Variants in SLC22A24 observed in about 807,000 individuals in gnomAD.
SLC22A24 encodes the protein steroid transmembrane transporter SLC22A24.
Under a neutral mutation model 49.8 loss-of-function variants are expected in SLC22A24, and 53 were observed. The observed-to-expected ratio is 1.06, with a 90% CI of 0.85 to 1.34. The LOEUF is 1.34. Among genes scored for constraint, SLC22A24 ranks in the 40% most tolerant of loss-of-function variants. The probability of loss-of-function intolerance (pLI) is 0.00; values close to 1 mark genes in which losing one functional copy is unlikely to be tolerated. For synonymous variants in SLC22A24, 302 were observed against 256.4 expected, an observed-to-expected ratio of 1.18 and a Z score of -1.70; for missense variants, 786 against 675.9, an observed-to-expected ratio of 1.16 and a Z score of -1.81.
intron 5 of SLC22A24, among the ~76,000 whole-genome samples, chr11:63,100,609 T>G (rs1477908978): frequency 2.0e-5 from 3 of 152,118 alleles, no homozygotes; most frequent in Admixed American, 6.6e-5. Flanking sequence ...AAAGCTACTC[T>G]GAGTAAAAAG....
chr11:63,098,939 A>C (rs1192422191), intron 5 of SLC22A24, among the ~76,000 whole-genome samples: 1 of 152,192 alleles, frequency 6.6e-6, no homozygotes, highest in African/African-American at 2.4e-5. Flanking sequence ...CATTACAACC[A>C]ATACTGCAGA....
chr11:63,095,940 A>G, intron 6 of SLC22A24, 51 bp downstream of exon 6: 1 of 1,269,886 alleles, frequency 7.9e-7, no homozygotes, highest in Non-Finnish European at 1.1e-6. Context: ...AAGAAGAAAC[A>G]GTTTTGTGTC....
intron 4 of SLC22A24, among the ~76,000 whole-genome samples, chr11:63,111,053 C>G (rs1401588703): frequency 6.6e-6 from 1 of 152,010 alleles, no homozygotes; most frequent in Non-Finnish European, 1.5e-5. Flanking sequence ...GAGTTTTTAG[C>G]ATGAAGGGTT....
chr11:63,138,547 C>A (rs376372019), intron 1 of SLC22A24, among the ~76,000 whole-genome samples: 1 of 144,006 alleles, frequency 6.9e-6, no homozygotes, highest in Non-Finnish European at 1.5e-5. Flanking sequence ...GAGGCTGAGG[C>A]AGGAGAATGG....
chr11:63,117,551 C>T (rs1262754063), intron 4 of SLC22A24, among the ~76,000 whole-genome samples: 1 of 152,160 alleles, frequency 6.6e-6, no homozygotes, highest in African/African-American at 2.4e-5. Context: ...CTTTGCCACC[C>T]CTGAGATGGC....
chr11:63,088,271 A>G (rs1401878508), intron 6 of SLC22A24, among the ~76,000 whole-genome samples: 2 of 152,014 alleles, frequency 1.3e-5, no homozygotes, highest in Non-Finnish European at 2.9e-5. Context: ...CACTGGTGAT[A>G]CCCAGGTGAA....
chr11:63,109,855 G>C (rs971485820), intron 4 of SLC22A24, among the ~76,000 whole-genome samples: 1 of 150,960 alleles, frequency 6.6e-6, no homozygotes, highest in Non-Finnish European at 1.5e-5. Context: ...AGTTTAATTA[G>C]ATCCCATTTG....
chr11:63,136,079 ACAT>A (rs567538873), intron 1 of SLC22A24, among the ~76,000 whole-genome samples: 46 of 152,284 alleles, frequency 3.0e-4, no homozygotes, highest in African/African-American at 1.1e-3. Context: ...CAAATAGAAA[ACAT>A]CATTGTTTTG....
At chr11:63,083,960 A>C (rs1180940043) in intron 6 of SLC22A24, among the ~76,000 whole-genome samples, 2 of 152,070 alleles carry the variant, frequency 1.3e-5, no homozygotes, top group African/African-American at 4.8e-5. Flanking sequence ...ATCCCTGGAG[A>C]ATGGGGGTAA....
At chr11:63,122,771 C>T (rs966494166) in intron 2 of SLC22A24, among the ~76,000 whole-genome samples, 2 of 152,148 alleles carry the variant, frequency 1.3e-5, no homozygotes, top group Admixed American at 6.5e-5. Flanking sequence ...CCGCTAGCCT[C>T]GGCCTCCCAA....
intron 5 of SLC22A24, among the ~76,000 whole-genome samples, chr11:63,100,080 A>G (rs1486834690): frequency 6.6e-6 from 1 of 152,210 alleles, no homozygotes; most frequent in Non-Finnish European, 1.5e-5. Flanking sequence ...AGCTAGAGCA[A>G]TCAGACAAGA....
Position 63,118,912 on chromosome 11 carries a change from C to A in SLC22A24, c.830G>T (p.Trp277Leu). 1 of 1,551,906 alleles carries A rather than the reference C, an allele frequency of 6.4e-7. No homozygotes were observed. The highest frequency in any genetic ancestry group is 8.7e-7 in the Non-Finnish European group (1 of 1,147,016). The stretch of plus-strand genomic sequence containing the variant: ...CAAAGAATGTGGAGATTGTTCATAC[C>A]AAGAGGACAAGAAGAGGACAATTAT... ...TPIIVLFLSS[W>L]KMVESARWLI... The change falls in exon 4 of 10, where the codon TGG becomes TTG. Residue 277 changes from tryptophan (W) to leucine (L), a missense_variant and splice_region_variant. Physicochemically the swap from Trp to Leu is moderately conservative, Grantham distance 61. Transcript: ENST00000612278.
At position 63,143,615 on chromosome 11, in the gene SLC22A24, G is replaced by T. The variant is rs189506041; in HGVS notation, c.165C>A (p.Asp55Glu). The change falls in exon 1 of 10, where the codon GAC (aspartate) becomes GAA (glutamate). Residue 55 changes from aspartate to glutamate, a missense_variant. Physicochemically the swap from Asp to Glu is conservative, Grantham distance 45. Coordinates refer to ENST00000612278, the MANE Select transcript of SLC22A24 (RefSeq NM_001136506.2). ...TATCATTGTCAGACACAGTGTCATTGTCCAGGAGGGGGACCCAGCAGCGAT... is the reference window on the plus strand; with the variant it reads ...TATCATTGTCAGACACAGTGTCATTTTCCAGGAGGGGGACCCAGCAGCGAT... ...PSHRCWVPLL[D>E]NDTVSDNDTG... is the part of the protein sequence containing the mutation. 1.5e-5 allele frequency: 24 copies of T among 1,584,064 alleles called. No homozygotes were observed. In the African/African-American group the frequency reaches 2.3e-4, roughly 15 times the overall value.
chr11:63,081,188 C>A, intron 8 of SLC22A24, 65 bp from the exon 9 acceptor site: 1 of 1,367,518 alleles, frequency 7.3e-7, no homozygotes, highest in Non-Finnish European at 1.0e-6. Flanking sequence ...TCTTTATCAT[C>A]ATTATTTCTT....
chr11:63,125,070 T>A (rs1040545031), intron 2 of SLC22A24, among the ~76,000 whole-genome samples: 3 of 151,858 alleles, frequency 2.0e-5, no homozygotes, highest in African/African-American at 7.3e-5. Flanking sequence ...AACCTGCACA[T>A]TGTGCACATG....
intron 2 of SLC22A24, among the ~76,000 whole-genome samples, chr11:63,126,779 T>A (rs2087293953): frequency 6.6e-6 from 1 of 152,186 alleles, no homozygotes; most frequent in South Asian, 2.1e-4. Flanking sequence ...TATTGATTCT[T>A]TTTATCCATG....
chr11:63,127,277 C>G, intron 2 of SLC22A24, among the ~76,000 whole-genome samples: 1 of 152,108 alleles, frequency 6.6e-6, no homozygotes, highest in Non-Finnish European at 1.5e-5. Context: ...TGGTTTCCAG[C>G]TACATTCAAG....
intron 4 of SLC22A24, among the ~76,000 whole-genome samples, chr11:63,112,489 C>G (rs1410802888): frequency 6.6e-6 from 1 of 152,028 alleles, no homozygotes; most frequent in African/African-American, 2.4e-5. Flanking sequence ...GAGTCTAAGT[C>G]TCTTTGTAGG....
At chr11:63,123,221 G>A (rs1565336235) in intron 2 of SLC22A24, among the ~76,000 whole-genome samples, 1 of 152,110 alleles carries the variant, frequency 6.6e-6, no homozygotes, top group African/African-American at 2.4e-5. Flanking sequence ...TGAATATTAT[G>A]CACATAATGA....
Sources: allele counts gnomAD v4.1 joint callset (sites outside exome capture counted in the v4.1 genomes callset), GRCh38; gene constraint gnomAD v4.1.1; transcripts MANE v1.5; gene names NCBI Gene and HGNC (gene_info 2026-07-23, HGNC 2026-07-21).